CPNE4: variants seen among roughly 807,000 people sequenced by gnomAD.
The protein encoded by CPNE4 is copine-4.
In CPNE4, 25 loss-of-function variants were observed where a neutral mutation model predicts 67.9. That is an observed-to-expected ratio of 0.37 (90% CI 0.27 to 0.51). CPNE4 has a LOEUF of 0.51. Among genes scored for constraint, CPNE4 ranks in the 20% least tolerant of loss-of-function variants. CPNE4 has a pLI of 0.93. For missense variants in CPNE4, 464 were observed against 690.8 expected, an observed-to-expected ratio of 0.67 and a Z score of 3.68; for synonymous variants, 242 against 244.9, an observed-to-expected ratio of 0.99 and a Z score of 0.11.
At chr3:131,788,435 G>A (rs2083623519) in intron 2 of CPNE4, among the ~76,000 whole-genome samples, 1 of 151,778 alleles carries the variant, frequency 6.6e-6, no homozygotes, top group Non-Finnish European at 1.5e-5. Context: ...TAATCAATGA[G>A]TTACAATTTT....
rs111313223 is a variant in CPNE4, at chr3:131,685,748, T to G, written c.591+127A>C. The stretch of plus-strand genomic sequence containing the variant: ...GTGAGACGAGACTGCGCCACTGCAC[T>G]CCAGCCTGGGTGACACAGCGAGACT... On this transcript the variant is annotated intron_variant, in intron 6 of 15. Coordinates refer to ENST00000429747, the MANE Select transcript of CPNE4 (RefSeq NM_130808.3). 6,118 of 634,076 alleles carry G rather than the reference T, an allele frequency of 9.6e-3. 78 individuals are homozygous for G. Among genetic ancestry groups the G allele is most frequent in the African/African-American group, 0.045 (2,410 of 53,502 alleles). The allele number at this position is 634,076 out of a possible 1,614,324, so 39.3% of individuals were successfully genotyped here.
At chr3:131,731,176 T>G (rs557648452) in intron 2 of CPNE4, among the ~76,000 whole-genome samples, 1 of 152,320 alleles carries the variant, frequency 6.6e-6, no homozygotes, top group Admixed American at 6.5e-5. Flanking sequence ...TCTGGCACAC[T>G]GGGTTCTGCT....
intron 10 of CPNE4, among the ~76,000 whole-genome samples, chr3:131,570,017 C>A (rs972930500): frequency 1.3e-5 from 2 of 151,386 alleles, no homozygotes; most frequent in African/African-American, 4.9e-5. Context: ...CTCTGCTTTA[C>A]GTTTTTGTAA....
rs2107629546 is a variant in CPNE4, at chr3:131,542,196, G to C, written c.1539+361C>G. ...ACTTTGGGCAGGCACCTTTAGGCAG[G>C]GAACAAGCTGCCCATCTGTAGGCAG... On this transcript the variant is annotated intron_variant, in intron 15 of 15. Transcript: ENST00000429747. 2.0e-5 allele frequency among the ~76,000 whole-genome samples: 3 copies of C among 152,166 alleles called. No homozygotes were observed. The South Asian group carries it at 6.2e-4, about 32-fold the overall frequency.
chr3:131,758,575 C>T (rs2082811044), intron 2 of CPNE4, among the ~76,000 whole-genome samples: 1 of 151,986 alleles, frequency 6.6e-6, no homozygotes, highest in Non-Finnish European at 1.5e-5. Flanking sequence ...TGGGTTAATG[C>T]TGAAATGAGT....
intron 1 of CPNE4, among the ~76,000 whole-genome samples, chr3:131,958,626 T>TTTTC (rs2072059192): frequency 7.8e-6 from 1 of 128,784 alleles, no homozygotes; most frequent in African/African-American, 3.2e-5. Context: ...TTTTTTTTTT[T>TTTTC]TTTTTTTTTT....
At chr3:131,831,651 T>C (rs996186931) in intron 2 of CPNE4, among the ~76,000 whole-genome samples, 1 of 152,136 alleles carries the variant, frequency 6.6e-6, no homozygotes, top group Non-Finnish European at 1.5e-5. Flanking sequence ...AAACTAAAAT[T>C]TTCTTTTATA....
chr3:131,941,262 G>A (rs1359959777), intron 1 of CPNE4, among the ~76,000 whole-genome samples: 2 of 151,808 alleles, frequency 1.3e-5, no homozygotes, highest in Admixed American at 6.6e-5. Flanking sequence ...TACCCCAAAA[G>A]CATCATTTTC....
chr3:131,558,186 G>C (rs1304121779), intron 11 of CPNE4, among the ~76,000 whole-genome samples: 1 of 151,900 alleles, frequency 6.6e-6, no homozygotes, highest in African/African-American at 2.4e-5. Flanking sequence ...TAAATTCTCT[G>C]AACTTAGCCA....
chr3:131,568,928 G>A (rs73874121), intron 10 of CPNE4, among the ~76,000 whole-genome samples: 9,618 of 152,028 alleles, frequency 0.063, 362 homozygotes, highest in South Asian at 0.099. Flanking sequence ...CACATTCTTG[G>A]GGAGCTTTCT....
chr3:131,818,029 G>C (rs1021451608), intron 2 of CPNE4, among the ~76,000 whole-genome samples: 1 of 152,164 alleles, frequency 6.6e-6, no homozygotes, highest in Non-Finnish European at 1.5e-5. Flanking sequence ...GGTCTCATAA[G>C]CTTTTGAGCC....
intron 7 of CPNE4, among the ~76,000 whole-genome samples, chr3:131,666,503 C>T (rs4854772): frequency 0.33 from 49,835 of 151,896 alleles, 8,597 homozygotes; most frequent in African/African-American, 0.4. Context: ...AGGACGTTAT[C>T]AAGCAAGGAC....
At chr3:131,645,845 T>C (rs765122159) in intron 7 of CPNE4, among the ~76,000 whole-genome samples, 9 of 152,220 alleles carry the variant, frequency 5.9e-5, no homozygotes, top group Non-Finnish European at 1.0e-4. Flanking sequence ...GTAGGTAATG[T>C]AGTTTAAGCA....
intron 9 of CPNE4, among the ~76,000 whole-genome samples, chr3:131,578,214 A>G (rs1408804462): frequency 1.3e-5 from 2 of 152,150 alleles, no homozygotes; most frequent in Non-Finnish European, 2.9e-5. Context: ...GGTAATTGTA[A>G]TATTTCCAAC....
At chr3:131,580,215 G>T (rs1937708495) in intron 9 of CPNE4, among the ~76,000 whole-genome samples, 1 of 151,992 alleles carries the variant, frequency 6.6e-6, no homozygotes, top group Non-Finnish European at 1.5e-5. Context: ...TAGCAATAAG[G>T]TATTTTTAAA....
At chr3:131,867,525 TG>T (rs67354488) in intron 2 of CPNE4, among the ~76,000 whole-genome samples, 62,606 of 122,862 alleles carry the variant, frequency 0.51, 13,170 homozygotes, top group Admixed American at 0.59. Flanking sequence ...GGCATGCGGG[TG>T]GGGGGTCTCC....
chr3:131,859,658 C>G (rs556665767), intron 2 of CPNE4, among the ~76,000 whole-genome samples: 1 of 152,126 alleles, frequency 6.6e-6, no homozygotes, highest in Non-Finnish European at 1.5e-5. Flanking sequence ...GCATTATAGG[C>G]AAGATTGAGC....
chr3:131,992,206 C>A (rs1179521729), intron 1 of CPNE4, among the ~76,000 whole-genome samples: 2 of 136,014 alleles, frequency 1.5e-5, no homozygotes, highest in Non-Finnish European at 3.3e-5. Context: ...ACAGCTTTTA[C>A]CATGCAGCTG....
intron 1 of CPNE4, among the ~76,000 whole-genome samples, chr3:131,992,866 C>T (rs1345881826): frequency 7.4e-6 from 1 of 135,582 alleles, no homozygotes; most frequent in Non-Finnish European, 1.7e-5. Context: ...GCTTTTCCTT[C>T]CTTGCTCAAC....
Sources: gnomAD v4.1 joint callset for allele counts (sites outside exome capture counted in the v4.1 genomes callset) on GRCh38, gnomAD v4.1.1 for gene constraint, MANE v1.5 for transcripts, NCBI Gene and HGNC (gene_info 2026-07-23, HGNC 2026-07-21) for gene names.